Variants in GRIA3 observed in about 807,000 individuals in gnomAD.
GRIA3 encodes the protein glutamate ionotropic receptor AMPA type subunit 3.
GRIA3 carries 3 observed loss-of-function variants against 63.0 expected under a neutral mutation model. The observed-to-expected ratio is 0.05, with a 90% CI of 0.02 to 0.12. The LOEUF (loss-of-function observed/expected upper bound fraction) is 0.12. Ranked by LOEUF, GRIA3 falls within the 10% of genes least tolerant of loss-of-function variation. The probability of loss-of-function intolerance (pLI) is 1.00; values close to 1 mark genes in which losing one functional copy is unlikely to be tolerated. For missense variants in GRIA3, 347 were observed against 700.9 expected (o/e 0.50, Z 5.70); for synonymous variants, 274 against 257.9 (o/e 1.06, Z -0.60).
chrX:123,401,629 G>A (rs1289397745), intron 7 of GRIA3, among the ~76,000 whole-genome samples: 2 of 111,953 alleles, frequency 1.8e-5, no homozygotes, highest in African/African-American at 3.2e-5. Flanking sequence ...CAGTTCATCA[G>A]ATTGGAGCAT....
Position 123,230,353 on chromosome X carries a change from C to T in GRIA3, c.269-22950C>T, listed in dbSNP as rs758138885. Among the ~76,000 whole-genome samples, 15 of 111,995 alleles carry T rather than the reference C, an allele frequency of 1.3e-4. 1 individual carries two copies. The South Asian group carries it at 5.6e-3, about 42-fold the overall frequency. On this transcript the variant is annotated intron_variant, in intron 2 of 15. Coordinates refer to ENST00000620443, the MANE Select transcript of GRIA3 (RefSeq NM_007325.5). ...ATCTTGTGTCATATGCCCCCAGGAC[C>T]TTGGCCTTAGTTAATACAAAAACTA...
intron 3 of GRIA3, among the ~76,000 whole-genome samples, chrX:123,257,301 C>A (rs2044424915): frequency 1.8e-5 from 2 of 111,352 alleles, no homozygotes; most frequent in Admixed American, 9.6e-5. Flanking sequence ...TGTTTTCCAA[C>A]CTCCTTTAGT....
intron 3 of GRIA3, among the ~76,000 whole-genome samples, chrX:123,301,319 C>A (rs773929446): frequency 1.8e-5 from 2 of 111,353 alleles, no homozygotes; most frequent in African/African-American, 3.3e-5. Flanking sequence ...CTTTGAAGGT[C>A]TCTAAGAACT....
chrX:123,443,976 G>A (rs1453082701), intron 12 of GRIA3, among the ~76,000 whole-genome samples: 1 of 110,956 alleles, frequency 9.0e-6, no homozygotes, highest in Non-Finnish European at 1.9e-5. Flanking sequence ...TTTTAGGATG[G>A]ACAAAAAGAA....
intron 3 of GRIA3, among the ~76,000 whole-genome samples, chrX:123,259,971 A>C: frequency 9.0e-6 from 1 of 111,397 alleles, no homozygotes; most frequent in Non-Finnish European, 1.9e-5. Flanking sequence ...TTTCCTTCTT[A>C]AGGCATGGTA....
intron 3 of GRIA3, among the ~76,000 whole-genome samples, chrX:123,301,185 C>T (rs911496808): frequency 1.8e-5 from 2 of 110,724 alleles, no homozygotes; most frequent in East Asian, 2.8e-4. Context: ...CTATCAGGTC[C>T]GTTTGGTCCA....
At chrX:123,423,710 T>C (rs1419152041) in intron 11 of GRIA3, among the ~76,000 whole-genome samples, 1 of 112,023 alleles carries the variant, frequency 8.9e-6, no homozygotes, top group African/African-American at 3.2e-5. Context: ...AAAGGAATGA[T>C]AAAGAGTTTG....
At chrX:123,467,295 G>T (rs1206186188) in intron 13 of GRIA3, among the ~76,000 whole-genome samples, 2 of 112,487 alleles carry the variant, frequency 1.8e-5, no homozygotes, top group African/African-American at 6.5e-5. Flanking sequence ...AGGCGAGAAA[G>T]TAGATAGAAG....
intron 3 of GRIA3, among the ~76,000 whole-genome samples, chrX:123,302,167 T>C (rs749814794): frequency 8.9e-6 from 1 of 112,089 alleles, no homozygotes; most frequent in South Asian, 3.7e-4. Context: ...ATCTTAGACA[T>C]AGAATCAGAT....
At chrX:123,297,389 C>T (rs1342151598) in intron 3 of GRIA3, among the ~76,000 whole-genome samples, 2 of 111,966 alleles carry the variant, frequency 1.8e-5, no homozygotes, top group South Asian at 7.3e-4. Flanking sequence ...TAATCTAGCT[C>T]TAATTCATGT....
At chrX:123,473,766 ATAAGTT>A (rs2045874963) in intron 13 of GRIA3, among the ~76,000 whole-genome samples, 1 of 111,967 alleles carries the variant, frequency 8.9e-6, no homozygotes, top group Admixed American at 9.5e-5. Flanking sequence ...TTAGGCCGTG[ATAAGTT>A]TCCATTCTCG....
At chrX:123,190,219 C>T (rs1927391853) in intron 2 of GRIA3, among the ~76,000 whole-genome samples, 1 of 110,178 alleles carries the variant, frequency 9.1e-6, no homozygotes, top group Non-Finnish European at 1.9e-5. Flanking sequence ...ACATTGACTG[C>T]TCTGGTTCCA....
At chrX:123,398,087 A>G (rs1345634059) in intron 6 of GRIA3, among the ~76,000 whole-genome samples, 3 of 111,845 alleles carry the variant, frequency 2.7e-5, no homozygotes, top group African/African-American at 9.8e-5. Flanking sequence ...GGTTTTTGCT[A>G]CCCCCAGGAA....
At chrX:123,411,340 G>T (rs1008648553) in intron 10 of GRIA3, among the ~76,000 whole-genome samples, 3 of 111,777 alleles carry the variant, frequency 2.7e-5, no homozygotes, top group African/African-American at 9.8e-5. Context: ...TTCAGAAAGT[G>T]TTTTAAAATG....
chrX:123,234,718 T>C (rs1603040131), intron 2 of GRIA3, among the ~76,000 whole-genome samples: 1 of 111,832 alleles, frequency 8.9e-6, no homozygotes, highest in African/African-American at 3.2e-5. Context: ...TTAACACATA[T>C]ATAAGGAGAT....
rs73553758 is a variant in GRIA3, at chrX:123,387,369, C to T, written c.751-7599C>T. Among the ~76,000 whole-genome samples the T allele has an allele frequency of 3.4e-3, 376 of 111,714 alleles. 2 individuals are homozygous for T. The highest frequency in any genetic ancestry group is 0.011 in the African/African-American group (349 of 30,796). On this transcript the variant is annotated intron_variant, in intron 5 of 15. Transcript: ENST00000620443. ...GTCTTTAGGTTTGTCTTGATATAAG[C>T]TCATGACATATGCAAAGAAGGACAA...
intron 3 of GRIA3, among the ~76,000 whole-genome samples, chrX:123,324,867 T>A (rs1160717980): frequency 9.0e-6 from 1 of 111,684 alleles, no homozygotes; most frequent in Non-Finnish European, 1.9e-5. Flanking sequence ...GTAGCCTGCT[T>A]ACACTAAAGG....
At chrX:123,213,790 A>G (rs757266076) in intron 2 of GRIA3, among the ~76,000 whole-genome samples, 36 of 111,896 alleles carry the variant, frequency 3.2e-4, no homozygotes, top group Admixed American at 9.5e-4. Flanking sequence ...AATTCTTTTC[A>G]GGCCAAATAA....
At chrX:123,474,386 A>T (rs1332952986) in intron 13 of GRIA3, among the ~76,000 whole-genome samples, 3 of 112,319 alleles carry the variant, frequency 2.7e-5, no homozygotes, top group Non-Finnish European at 5.6e-5. Context: ...TTTGTTTTTT[A>T]AAAAAATTAA....
Sources: allele counts gnomAD v4.1 joint callset (sites outside exome capture counted in the v4.1 genomes callset), GRCh38; gene constraint gnomAD v4.1.1; transcripts MANE v1.5; gene names NCBI Gene and HGNC (gene_info 2026-07-23, HGNC 2026-07-21).